Variants in RPS6KC1 observed in about 807,000 individuals in gnomAD.
RPS6KC1 encodes the protein ribosomal protein S6 kinase C1, also known as inactive ribosomal protein S6 kinase delta-1.
In RPS6KC1, 54 loss-of-function variants were observed where a neutral mutation model predicts 103.8. That is an observed-to-expected ratio of 0.52 (90% CI 0.42 to 0.65). The LOEUF (loss-of-function observed/expected upper bound fraction) is 0.65, where lower values mean the gene tolerates loss of function less well. Ranked by LOEUF, RPS6KC1 falls within the 30% of genes least tolerant of loss-of-function variation. The pLI is 0.00. For synonymous variants in RPS6KC1, 439 were observed against 438.7 expected, an observed-to-expected ratio of 1.00 and a Z score of -0.01; for missense variants, 1,151 against 1,253.8, an observed-to-expected ratio of 0.92 and a Z score of 1.24.
At chr1:213,466,129 G>T in the RPS6KC1 span, among the ~76,000 whole-genome samples, 1 of 151,964 alleles carries the variant, frequency 6.6e-6, no homozygotes, top group Non-Finnish European at 1.5e-5. Flanking sequence ...AATTCTTTTG[G>T]ATTTCCCACT....
the RPS6KC1 span, among the ~76,000 whole-genome samples, chr1:213,743,580 C>T: frequency 1.3e-5 from 2 of 152,280 alleles, no homozygotes; most frequent in African/African-American, 4.8e-5. Context: ...GACTTCAATG[C>T]CATTTGTTTC....
the RPS6KC1 span, among the ~76,000 whole-genome samples, chr1:213,595,926 C>G: frequency 6.6e-6 from 1 of 152,112 alleles, no homozygotes; most frequent in Non-Finnish European, 1.5e-5. Flanking sequence ...ATGCCCAGTT[C>G]CCAAGAATTT....
rs2094365127 is a variant in RPS6KC1 at position 213,241,950 on chromosome 1, T to C, written c.2474T>C (p.Leu825Pro). 6.2e-7 allele frequency: 1 copy of C among 1,614,054 alleles called. No individual in the cohort carries two copies. Among genetic ancestry groups the C allele is most frequent in the African/African-American group, 1.3e-5 (1 of 75,052 alleles). The change falls in exon 11 of 15, where the codon CTC becomes CCC. Residue 825 changes from leucine (L) to proline (P), a missense_variant. This residue lies in a region of RPS6KC1 where 959 missense variants were observed against 1,006.3 expected (regional missense o/e 0.95). Transcript: ENST00000366960. ...EESLFRICSP[L>P]SGANEYIAST... is the part of the protein sequence containing the mutation. ...AGCTTATTCCGTATTTGTAGTCCAC[T>C]CTCAGGTGCTAATGAATATATTGCA...
At chr1:213,763,234 T>C in the RPS6KC1 span, among the ~76,000 whole-genome samples, 1 of 152,146 alleles carries the variant, frequency 6.6e-6, no homozygotes. Flanking sequence ...ACTGACCAGG[T>C]CAGCCCAAAA....
chr1:213,113,151 A>G (rs1487511728), intron 4 of RPS6KC1, among the ~76,000 whole-genome samples: 8 of 152,206 alleles, frequency 5.3e-5, no homozygotes, highest in Non-Finnish European at 1.5e-5. Context: ...GACTTCCACA[A>G]TGGTTGAACT....
the RPS6KC1 span, among the ~76,000 whole-genome samples, chr1:213,325,135 T>C: frequency 3.3e-5 from 5 of 152,202 alleles, no homozygotes; most frequent in Admixed American, 6.5e-5. Context: ...CAGCCAATCA[T>C]TGCCCATTAG....
At chr1:213,329,244 G>A in the RPS6KC1 span, among the ~76,000 whole-genome samples, 1 of 152,058 alleles carries the variant, frequency 6.6e-6, no homozygotes. Flanking sequence ...GTCTCCCAAC[G>A]GCCTTGATCC....
the RPS6KC1 span, among the ~76,000 whole-genome samples, chr1:213,830,285 G>A: frequency 3.3e-5 from 5 of 151,984 alleles, no homozygotes; most frequent in African/African-American, 4.8e-5. Flanking sequence ...CATACTGGGC[G>A]GGTCATGAAT....
chr1:213,626,625 A>G, the RPS6KC1 span, among the ~76,000 whole-genome samples: 1 of 152,242 alleles, frequency 6.6e-6, no homozygotes, highest in African/African-American at 2.4e-5. Flanking sequence ...GAAGGGATCC[A>G]GTTTCAGCTT....
At chr1:213,271,153 T>C (rs897491191) in intron 14 of RPS6KC1, among the ~76,000 whole-genome samples, 2 of 152,198 alleles carry the variant, frequency 1.3e-5, no homozygotes, top group African/African-American at 4.8e-5. Flanking sequence ...ACATTATTCA[T>C]TATAGCCCCA....
chr1:213,100,427 T>C (rs6540777), intron 3 of RPS6KC1, among the ~76,000 whole-genome samples: 68,430 of 151,748 alleles, frequency 0.45, 19,176 homozygotes, highest in Non-Finnish European at 0.62. Context: ...TATCAGGAAA[T>C]GGGAAAACAT....
At chr1:213,068,591 A>C (rs1050440606) in intron 1 of RPS6KC1, among the ~76,000 whole-genome samples, 1 of 151,204 alleles carries the variant, frequency 6.6e-6, no homozygotes, top group Admixed American at 6.6e-5. Context: ...ACAGGCTGGT[A>C]TTTGAAAGTA....
chr1:213,856,372 ACAC>A, the RPS6KC1 span, among the ~76,000 whole-genome samples: 1 of 152,070 alleles, frequency 6.6e-6, no homozygotes. Flanking sequence ...ACATACACAC[ACAC>A]ATCTGTCTAT....
intron 12 of RPS6KC1, among the ~76,000 whole-genome samples, chr1:213,255,321 TAAA>T (rs376131332): frequency 1.7e-4 from 23 of 139,048 alleles, no homozygotes; most frequent in African/African-American, 5.5e-4. Context: ...ATGAGAACCT[TAAA>T]AAAAAAAAAA....
At chr1:213,250,762 A>G (rs12085937) in intron 12 of RPS6KC1, among the ~76,000 whole-genome samples, 2 of 152,196 alleles carry the variant, frequency 1.3e-5, no homozygotes, top group South Asian at 4.1e-4. Context: ...TTTTATTCTC[A>G]TAGTTGCTAT....
the RPS6KC1 span, among the ~76,000 whole-genome samples, chr1:213,470,611 A>ATTTTT: frequency 1.0e-5 from 1 of 99,802 alleles, no homozygotes; most frequent in Non-Finnish European, 2.0e-5. Flanking sequence ...TTTATTCTTA[A>ATTTTT]TTTTTTTTTT....
chr1:213,500,434 TAAAA>T, the RPS6KC1 span, among the ~76,000 whole-genome samples: 1 of 152,028 alleles, frequency 6.6e-6, no homozygotes, highest in Non-Finnish European at 1.5e-5. Context: ...ATAGTTAACT[TAAAA>T]AAATTATATA....
At chr1:213,799,762 A>G in the RPS6KC1 span, among the ~76,000 whole-genome samples, 1 of 152,310 alleles carries the variant, frequency 6.6e-6, no homozygotes, top group African/African-American at 2.4e-5. Flanking sequence ...TAGGTAAGCC[A>G]TGATGGACAC....
At chr1:213,602,707 T>C in the RPS6KC1 span, among the ~76,000 whole-genome samples, 62 of 152,322 alleles carry the variant, frequency 4.1e-4, no homozygotes, top group South Asian at 0.013. Flanking sequence ...AGTTAAGGTC[T>C]TTGGGAAGCA....
Sources: allele counts gnomAD v4.1 joint callset (sites outside exome capture counted in the v4.1 genomes callset), GRCh38; gene constraint gnomAD v4.1.1; regional missense constraint gnomAD v4.1.1; transcripts MANE v1.5; gene names NCBI Gene and HGNC (gene_info 2026-07-23, HGNC 2026-07-21).